Variants in CHSY3 observed in about 807,000 individuals in gnomAD.
CHSY3 encodes the protein N-acetylgalactosaminyl-proteoglycan 3-beta-glucuronosyltransferase 3.
Under a neutral mutation model 67.2 loss-of-function variants are expected in CHSY3, and 35 were observed. The observed-to-expected ratio is 0.52, with a 90% CI of 0.40 to 0.69. CHSY3 has a LOEUF of 0.69. Among genes scored for constraint, CHSY3 ranks in the 30% least tolerant of loss-of-function variants. The probability of loss-of-function intolerance (pLI) is 0.00; values close to 1 mark genes in which losing one functional copy is unlikely to be tolerated. For missense variants in CHSY3, 1,069 were observed against 1,138.5 expected, an observed-to-expected ratio of 0.94 and a Z score of 0.88; for synonymous variants, 474 against 434.7, an observed-to-expected ratio of 1.09 and a Z score of -1.12.
At position 130,185,433 on chromosome 5, in the gene CHSY3, A is replaced by G. The variant is rs2015018; in HGVS notation, c.2291A>G (p.Asp764Gly). Reference sequence around the variant, plus strand: ...AACGGGGGAAATCCTCCCACTGATGATTACTTCATATTCTCAAAAAAGACT... The same window carrying G: ...AACGGGGGAAATCCTCCCACTGATGGTTACTTCATATTCTCAAAAAAGACT... ...VTNGGNPPTD[D>G]YFIFSKKTGF... Residue 764 changes from aspartate to glycine, a missense_variant, in exon 3 of 3, where the codon GAT becomes GGT. By Grantham distance (94) the Asp-to-Gly change is moderately conservative. This residue lies in a region of CHSY3 where 139 missense variants were observed against 152.8 expected (regional missense o/e 0.91). Transcript: ENST00000305031. 0.72 allele frequency: 1,165,373 copies of G among 1,613,328 alleles called. 428,647 individuals are homozygous for G. Among genetic ancestry groups the G allele is most frequent in the Non-Finnish European group, 0.75 (887,730 of 1,179,492 alleles).
intron 2 of CHSY3, among the ~76,000 whole-genome samples, chr5:130,059,977 A>C: frequency 6.6e-6 from 1 of 152,052 alleles, no homozygotes; most frequent in East Asian, 1.9e-4. Flanking sequence ...TAAAAAATGA[A>C]GTGAAGATGT....
chr5:130,058,626 C>T (rs1227399484), intron 2 of CHSY3, among the ~76,000 whole-genome samples: 1 of 151,616 alleles, frequency 6.6e-6, no homozygotes, highest in African/African-American at 2.4e-5. Flanking sequence ...AACTTCGTCT[C>T]AAAAAGAAAA....
intron 2 of CHSY3, among the ~76,000 whole-genome samples, chr5:129,994,151 C>T (rs2149632758): frequency 6.6e-6 from 1 of 152,212 alleles, no homozygotes; most frequent in South Asian, 2.1e-4. Context: ...AACATTTTTT[C>T]CTTCATTTCA....
chr5:129,930,568 A>C (rs1354350702), intron 2 of CHSY3, among the ~76,000 whole-genome samples: 1 of 151,222 alleles, frequency 6.6e-6, no homozygotes, highest in Non-Finnish European at 1.5e-5. Context: ...AAGCATAGAG[A>C]AGGAATGAAA....
chr5:130,063,750 C>T (rs902761743), intron 2 of CHSY3, among the ~76,000 whole-genome samples: 2 of 152,028 alleles, frequency 1.3e-5, no homozygotes, highest in Admixed American at 6.6e-5. Context: ...CTGGTGAGGG[C>T]CTTCTTGCAG....
In CHSY3 at chr5:129,905,017, T is replaced by C; in HGVS notation, c.188T>C (p.Leu63Pro). ...AGPRAGAQQP[L>P]PQPQSRPRQE... is the part of the protein sequence containing the mutation. ...CCCCGCGCCGGCGCTCAGCAGCCGCTCCCCCAGCCCCAGTCCCGACCACGG... is the reference window on the plus strand; with the variant it reads ...CCCCGCGCCGGCGCTCAGCAGCCGCCCCCCCAGCCCCAGTCCCGACCACGG... The change falls in exon 1 of 3, where the codon CTC becomes CCC. Residue 63 changes from leucine to proline, a missense_variant. Physicochemically the swap from Leu to Pro is moderately conservative, Grantham distance 98. Coordinates refer to ENST00000305031, the MANE Select transcript of CHSY3 (RefSeq NM_175856.5). 1.3e-6 allele frequency: 2 copies of C among 1,563,114 alleles called. No individual in the cohort carries two copies. Among genetic ancestry groups the C allele is most frequent in the South Asian group, 1.2e-5 (1 of 85,940 alleles).
intron 2 of CHSY3, among the ~76,000 whole-genome samples, chr5:130,037,075 G>A (rs374959704): frequency 6.6e-6 from 1 of 152,280 alleles, no homozygotes; most frequent in African/African-American, 2.4e-5. Flanking sequence ...AGGGATGGTA[G>A]CTGTCATAAA....
chr5:129,975,612 A>G (rs1762783939), intron 2 of CHSY3, among the ~76,000 whole-genome samples: 1 of 152,210 alleles, frequency 6.6e-6, no homozygotes, highest in African/African-American at 2.4e-5. Context: ...TTTAAATTTT[A>G]TAAACCATTT....
chr5:129,945,236 C>T (rs1761816314), intron 2 of CHSY3, among the ~76,000 whole-genome samples: 1 of 152,200 alleles, frequency 6.6e-6, no homozygotes, highest in Admixed American at 6.5e-5. Flanking sequence ...CATTAGGAAA[C>T]TCTGTGGGCA....
chr5:130,162,868 A>T (rs1769599488), intron 2 of CHSY3, among the ~76,000 whole-genome samples: 1 of 152,224 alleles, frequency 6.6e-6, no homozygotes, highest in Non-Finnish European at 1.5e-5. Context: ...TAAATTACAT[A>T]GCCGCAATCA....
intron 2 of CHSY3, chr5:130,001,797 T>C: frequency 1.2e-6 from 1 of 810,590 alleles, no homozygotes; most frequent in Non-Finnish European, 1.5e-6. Flanking sequence ...CCTGTATATC[T>C]AGATTATGGG....
chr5:130,001,981 C>A, intron 2 of CHSY3: 1 of 884,178 alleles, frequency 1.1e-6, no homozygotes, highest in Non-Finnish European at 1.4e-6. Context: ...CTACAATAAG[C>A]CAATGCTTAT....
chr5:130,143,784 GTATATATATATATATATATA>G (rs71000950), intron 2 of CHSY3, among the ~76,000 whole-genome samples: 6 of 73,830 alleles, frequency 8.1e-5, no homozygotes, highest in African/African-American at 2.5e-4. Context: ...ATATATATGT[GTATATATATATATATATATA>G]TGTGTGTATA....
At chr5:130,037,054 GTAGGATGTA>G (rs780095907) in intron 2 of CHSY3, among the ~76,000 whole-genome samples, 27 of 152,302 alleles carry the variant, frequency 1.8e-4, no homozygotes, top group Non-Finnish European at 3.4e-4. Flanking sequence ...CTTATTGGAA[GTAGGATGTA>G]TAGGGATGGT....
chr5:129,987,308 A>G (rs1763234075), intron 2 of CHSY3, among the ~76,000 whole-genome samples: 1 of 152,194 alleles, frequency 6.6e-6, no homozygotes, highest in Non-Finnish European at 1.5e-5. Flanking sequence ...TAGAGAGGAC[A>G]CACTATATAA....
intron 2 of CHSY3, among the ~76,000 whole-genome samples, chr5:130,055,276 T>G (rs1048192149): frequency 1.6e-5 from 2 of 121,926 alleles, no homozygotes; most frequent in Non-Finnish European, 3.6e-5. Flanking sequence ...AATTTGCCCC[T>G]TGTAAAAAAA....
chr5:130,061,769 A>T (rs1361468750), intron 2 of CHSY3, among the ~76,000 whole-genome samples: 3 of 152,136 alleles, frequency 2.0e-5, no homozygotes. Context: ...TCCAAAGAAG[A>T]AGTACAAGTA....
At chr5:130,085,503 C>A (rs527261836) in intron 2 of CHSY3, among the ~76,000 whole-genome samples, 7 of 152,036 alleles carry the variant, frequency 4.6e-5, no homozygotes, top group Admixed American at 4.6e-4. Flanking sequence ...TCTCTCTTTT[C>A]TTCTTTATTA....
At chr5:130,172,302 T>C (rs903851666) in intron 2 of CHSY3, among the ~76,000 whole-genome samples, 4 of 37,044 alleles carry the variant, frequency 1.1e-4, no homozygotes, top group African/African-American at 2.9e-4. Context: ...TATTTAACTC[T>C]TTTTTTTCTT....
Sources: gnomAD v4.1 joint callset for allele counts (sites outside exome capture counted in the v4.1 genomes callset) on GRCh38, gnomAD v4.1.1 for gene constraint, gnomAD v4.1.1 regional missense constraint, MANE v1.5 for transcripts, NCBI Gene and HGNC (gene_info 2026-07-23, HGNC 2026-07-21) for gene names.